Variants in LPA observed in about 807,000 individuals in gnomAD.
The protein encoded by LPA is lipoprotein(a), also known as apolipoprotein(a).
In LPA, 199 loss-of-function variants were observed where a neutral mutation model predicts 197.9. The observed-to-expected ratio is 1.01, with a 90% confidence interval of 0.90 to 1.13. The LOEUF (loss-of-function observed/expected upper bound fraction) is 1.13, where lower values mean the gene tolerates loss of function less well. LPA is among the 50% of genes most tolerant of loss of function. The pLI, the probability that LPA is intolerant of heterozygous loss-of-function variation, is 0.00. For missense variants in LPA, 1,853 were observed against 1,785.8 expected (o/e 1.04, Z -0.68); for synonymous variants, 715 against 639.5 (o/e 1.12, Z -1.78).
intron 32 of LPA, 115 bp downstream of exon 32, chr6:160,547,674 C>T: frequency 4.2e-6 from 6 of 1,441,806 alleles, no homozygotes; most frequent in Non-Finnish European, 5.8e-6. Context: ...ACTTTCCATG[C>T]TAAGGCTAAT....
chr6:160,565,082 C>T (rs1432162265), intron 28 of LPA, among the ~76,000 whole-genome samples: 1 of 152,248 alleles, frequency 6.6e-6, no homozygotes, highest in Non-Finnish European at 1.5e-5. Flanking sequence ...CCTCTGTAGA[C>T]TCCACCTCTG....
At chr6:160,652,025 A>AC (rs1780015030) in intron 1 of LPA, among the ~76,000 whole-genome samples, 1 of 151,884 alleles carries the variant, frequency 6.6e-6, no homozygotes, top group African/African-American at 2.4e-5. Flanking sequence ...ACAAAAAAAA[A>AC]AAAGCAGAAG....
At chr6:160,593,821 A>C in intron 22 of LPA, 137 bp downstream of exon 22, 1 of 1,102,862 alleles carries the variant, frequency 9.1e-7, no homozygotes, top group Non-Finnish European at 1.4e-6. Context: ...GTGCCTGAAG[A>C]AAGAAGCCTG....
intron 28 of LPA, among the ~76,000 whole-genome samples, chr6:160,574,639 T>C (rs566640126): frequency 2.6e-5 from 4 of 152,318 alleles, no homozygotes; most frequent in Admixed American, 2.6e-4. Flanking sequence ...GAGGCCCAGG[T>C]AAAGTTGGGA....
chr6:160,582,572 T>C (rs1452890957), intron 26 of LPA, among the ~76,000 whole-genome samples: 1 of 152,146 alleles, frequency 6.6e-6, no homozygotes, highest in Non-Finnish European at 1.5e-5. Context: ...TGTTACTCTA[T>C]GTAAAGGTAT....
At chr6:160,553,481 G>A (rs560262027) in intron 30 of LPA, among the ~76,000 whole-genome samples, 1 of 152,162 alleles carries the variant, frequency 6.6e-6, no homozygotes, top group East Asian at 1.9e-4. Flanking sequence ...TGTTTTGGCT[G>A]GACATGTCGT....
At chr6:160,643,083 A>AATTTCTGTGT (rs1332336973) in intron 4 of LPA, among the ~76,000 whole-genome samples, 8 of 131,148 alleles carry the variant, frequency 6.1e-5, no homozygotes, top group African/African-American at 2.2e-4. Flanking sequence ...GTGTGTTTTC[A>AATTTCTGTGT]GTGTGTGTGT....
chr6:160,537,578 T>C (rs1251796785), intron 37 of LPA, among the ~76,000 whole-genome samples: 1 of 152,192 alleles, frequency 6.6e-6, no homozygotes, highest in African/African-American at 2.4e-5. Flanking sequence ...TACTGGTGTT[T>C]GTTTTTGTTG....
intron 36 of LPA, among the ~76,000 whole-genome samples, chr6:160,539,781 T>TTAA (rs1777950987): frequency 1.3e-5 from 2 of 152,236 alleles, no homozygotes; most frequent in African/African-American, 4.8e-5. Flanking sequence ...GTGGATGAAC[T>TTAA]GGTGAACATT....
At chr6:160,626,450 TTGTG>T (rs141731887) in intron 10 of LPA, among the ~76,000 whole-genome samples, 1,324 of 107,492 alleles carry the variant, frequency 0.012, 54 homozygotes, top group African/African-American at 0.043. Context: ...TGTTTTCAGT[TTGTG>T]TGTGTGTGTG....
At chr6:160,635,029 C>A in intron 7 of LPA, 94 bp downstream of exon 7, 1 of 1,505,002 alleles carries the variant, frequency 6.6e-7, no homozygotes, top group Non-Finnish European at 9.1e-7. Flanking sequence ...CTCGAGCATC[C>A]GTTTACCATT....
At position 160,588,926 on chromosome 6, in the gene LPA, G is replaced by A. The variant is rs1778969251; in HGVS notation, c.3947+627C>T. Among the ~76,000 whole-genome samples, 6 of 152,270 alleles carry A rather than the reference G, an allele frequency of 3.9e-5. No individual in the cohort carries two copies. In the South Asian group the frequency reaches 1.2e-3, roughly 32 times the overall value. On this transcript the variant is annotated intron_variant, in intron 24 of 38. Transcript: ENST00000316300. ...CTCATGTATTTGATAGTCCTTCATG[G>A]CAGAAAGGCTGGCATAGCCAGACAT...
In LPA at chr6:160,585,112, G is replaced by A; in HGVS notation, c.4223C>T (p.Thr1408Ile). The A allele has an allele frequency of 6.2e-7, 1 of 1,613,858 alleles. No individual in the cohort carries two copies. The highest frequency in any genetic ancestry group is 8.5e-7 in the Non-Finnish European group (1 of 1,179,808). The part of the protein sequence containing the change: ...GTLSTTITGR[T>I]CQSWSSMTPH... ...TGTCATAGACGACCAAGACTGACAT[G>A]TTCTTCCTGTGATAGTGGTGGAGAG... The change falls in exon 26 of 39, where the codon ACA becomes ATA. Residue 1408 changes from threonine (T) to isoleucine (I), a missense_variant. Transcript: ENST00000316300.
At position 160,606,069 on chromosome 6, in the gene LPA, C is replaced by A. The variant is rs536209589; in HGVS notation, c.2785+408G>T. ...TTCTCAAGGGTGACAGGCTCCAGAG[C>A]CACATTTCTCTGAATCTGCAATGCT... On this transcript the variant is annotated intron_variant, in intron 17 of 38. Transcript: ENST00000316300. Among the ~76,000 whole-genome samples the A allele has an allele frequency of 5.3e-5, 8 of 152,258 alleles. No individual in the cohort carries two copies. In the South Asian group the frequency reaches 1.7e-3, roughly 32 times the overall value.
intron 37 of LPA, among the ~76,000 whole-genome samples, chr6:160,536,580 C>T (rs938951023): frequency 2.0e-5 from 3 of 152,154 alleles, no homozygotes; most frequent in African/African-American, 4.8e-5. Flanking sequence ...TCTGTACCAC[C>T]CTCCACCTTC....
Position 160,531,904 on chromosome 6 carries a change from G to C in LPA, c.5962-14C>G. ...TCCACTGTCACCCTAAACAGAGGTA[G>C]GGGAAAATTCATGTGAGCTTTAAGC... On this transcript the variant is annotated splice_polypyrimidine_tract_variant and intron_variant, in intron 38 of 38. Transcript: ENST00000316300. The C allele has an allele frequency of 1.9e-6, 3 of 1,613,858 alleles. No homozygotes were observed. Among genetic ancestry groups the C allele is most frequent in the Non-Finnish European group, 2.5e-6 (3 of 1,179,846 alleles).
chr6:160,605,190 C>T lies in LPA; in HGVS notation c.2801G>A (p.Arg934Lys). 6.2e-7 allele frequency: 1 copy of T among 1,613,862 alleles called. No individual in the cohort carries two copies. Among genetic ancestry groups the T allele is most frequent in the Non-Finnish European group, 8.5e-7 (1 of 1,179,882 alleles). Residue 934 changes from arginine (R) to lysine (K), a missense_variant, in exon 18 of 39, where the codon AGG (arginine) becomes AAG (lysine). By Grantham distance (26) the Arg-to-Lys change is conservative. Transcript: ENST00000316300. ...GTGGTAGCACTCCTGCACCCCAGGC[C>T]TTTGCTCAGTTGGTGCTGAAATGAA... ...APSEQAPTEQ[R>K]PGVQECYHGN... is the part of the protein sequence containing the mutation.
rs202097627 is a variant in LPA, at chr6:160,595,492, G to A, written c.3331C>T (p.Arg1111Cys). ...NYCRNPDAEI[R>C]PWCYTMDPSV... is the part of the protein sequence containing the mutation. ...GGATCCATGGTGTAACACCAAGGGC[G>A]AATCTCAGCATCTGGATTCCTGCAG... Residue 1111 changes from arginine (R) to cysteine (C), a missense_variant, in exon 21 of 39, where the codon CGC (arginine) becomes TGC (cysteine). This residue lies in a region of LPA where 1,737 missense variants were observed against 1,504.4 expected (regional missense o/e 1.15). Coordinates refer to ENST00000316300, the MANE Select transcript of LPA (RefSeq NM_005577.4). 21 of 1,613,808 alleles carry A rather than the reference G, an allele frequency of 1.3e-5. No homozygotes were observed. The highest frequency in any genetic ancestry group is 5.0e-5 in the Admixed American group (3 of 59,980).
intron 38 of LPA, 139 bp downstream of exon 38, chr6:160,532,391 TG>T: frequency 1.3e-6 from 1 of 753,138 alleles, no homozygotes; most frequent in Non-Finnish European, 2.4e-6. Flanking sequence ...GGGACAGATC[TG>T]GGGAGTTTCT....
Sources: allele counts gnomAD v4.1 joint callset (sites outside exome capture counted in the v4.1 genomes callset), GRCh38; gene constraint gnomAD v4.1.1; regional missense constraint gnomAD v4.1.1; transcripts MANE v1.5; gene names NCBI Gene and HGNC (gene_info 2026-07-23, HGNC 2026-07-21).